TAFA1: variants seen among roughly 807,000 people sequenced by gnomAD.
TAFA1 encodes TAFA chemokine like family member 1.
In TAFA1, 4 loss-of-function variants were observed where a neutral mutation model predicts 18.5. The observed-to-expected ratio is 0.22, with a 90% CI of 0.11 to 0.49. The LOEUF (loss-of-function observed/expected upper bound fraction) is 0.49. TAFA1 is among the 20% of genes least tolerant of loss of function. The pLI is 0.98. For missense variants in TAFA1, 147 were observed against 169.0 expected, an observed-to-expected ratio of 0.87 and a Z score of 0.72; for synonymous variants, 56 against 55.2, an observed-to-expected ratio of 1.01 and a Z score of -0.06.
chr3:68,446,145 C>A (rs770107181), intron 3 of TAFA1, among the ~76,000 whole-genome samples: 1 of 152,014 alleles, frequency 6.6e-6, no homozygotes, highest in Non-Finnish European at 1.5e-5. Flanking sequence ...GGCCTCAAGA[C>A]GTCCTCCCAC....
chr3:68,257,423 T>C, intron 2 of TAFA1, among the ~76,000 whole-genome samples: 1 of 151,852 alleles, frequency 6.6e-6, no homozygotes, highest in East Asian at 1.9e-4. Context: ...TATAAAGCCA[T>C]GGACGGTGTC....
chr3:68,079,128 G>T (rs148987011), intron 2 of TAFA1, among the ~76,000 whole-genome samples: 5,975 of 152,256 alleles, frequency 0.039, 177 homozygotes, highest in East Asian at 0.1. Flanking sequence ...TCTGATGGTA[G>T]TTTGTATTTC....
intron 2 of TAFA1, among the ~76,000 whole-genome samples, chr3:68,040,380 C>T (rs1000666704): frequency 5.9e-5 from 9 of 152,124 alleles, no homozygotes; most frequent in African/African-American, 1.9e-4. Flanking sequence ...CTCTCTGTAA[C>T]CTTCTCTCAA....
intron 2 of TAFA1, among the ~76,000 whole-genome samples, chr3:68,028,276 G>A (rs1268755422): frequency 6.6e-6 from 1 of 151,760 alleles, no homozygotes; most frequent in Non-Finnish European, 1.5e-5. Flanking sequence ...CTCCAGCTTG[G>A]GTGACAGAGC....
chr3:68,433,388 G>A (rs1276812168), intron 3 of TAFA1, among the ~76,000 whole-genome samples: 1 of 151,828 alleles, frequency 6.6e-6, no homozygotes, highest in Non-Finnish European at 1.5e-5. Flanking sequence ...CATTCTTATT[G>A]CCTGAAGTCT....
At chr3:68,369,202 C>T (rs563031742) in intron 2 of TAFA1, among the ~76,000 whole-genome samples, 31 of 152,094 alleles carry the variant, frequency 2.0e-4, no homozygotes, top group African/African-American at 6.5e-4. Flanking sequence ...CACACACACA[C>T]CCAAAATAAA....
intron 2 of TAFA1, among the ~76,000 whole-genome samples, chr3:68,257,536 C>G (rs565522439): frequency 1.8e-4 from 27 of 152,000 alleles, no homozygotes; most frequent in African/African-American, 6.3e-4. Flanking sequence ...CAAACGAACA[C>G]TTAGTATGTG....
chr3:68,425,203 A>G lies in TAFA1; in HGVS notation c.259+7783A>G, dbSNP rs141959469. Among the ~76,000 whole-genome samples, 15 of 151,978 alleles carry G rather than the reference A, an allele frequency of 9.9e-5. 1 individual carries two copies. The East Asian group carries it at 2.9e-3, about 29-fold the overall frequency. Reference sequence around the variant, plus strand: ...AACGTTTTTGGGGACAGAGAAGATGACCTATTTTGGTTCTGCCATTTGTTA... The same window carrying G: ...AACGTTTTTGGGGACAGAGAAGATGGCCTATTTTGGTTCTGCCATTTGTTA... On this transcript the variant is annotated intron_variant, in intron 3 of 4. Coordinates refer to ENST00000478136, the MANE Select transcript of TAFA1 (RefSeq NM_213609.4).
intron 2 of TAFA1, among the ~76,000 whole-genome samples, chr3:68,106,561 A>G (rs556284683): frequency 1.6e-4 from 24 of 152,288 alleles, no homozygotes; most frequent in African/African-American, 5.5e-4. Context: ...AGGGTGAAAA[A>G]GAACAAACAA....
chr3:68,467,283 G>A (rs2136717), intron 3 of TAFA1, among the ~76,000 whole-genome samples: 30,481 of 152,060 alleles, frequency 0.2, 3,856 homozygotes, highest in East Asian at 0.41. Context: ...AAGATGATAG[G>A]ATTAAGAGAT....
chr3:68,335,195 T>G (rs1248222072), intron 2 of TAFA1, among the ~76,000 whole-genome samples: 2 of 152,232 alleles, frequency 1.3e-5, no homozygotes, highest in Non-Finnish European at 1.5e-5. Context: ...AAGCTAATAA[T>G]TCTTTTAGAC....
intron 2 of TAFA1, among the ~76,000 whole-genome samples, chr3:68,206,065 C>CT (rs1294478424): frequency 1.3e-5 from 2 of 151,652 alleles, no homozygotes; most frequent in Non-Finnish European, 3.0e-5. Flanking sequence ...TGTTTTTATT[C>CT]TTTTTTTGTG....
chr3:68,323,386 C>A (rs1482519755), intron 2 of TAFA1, among the ~76,000 whole-genome samples: 1 of 152,134 alleles, frequency 6.6e-6, no homozygotes, highest in African/African-American at 2.4e-5. Flanking sequence ...GAGGAGCCAA[C>A]ACAAATGTAA....
intron 3 of TAFA1, among the ~76,000 whole-genome samples, chr3:68,514,505 A>G (rs963119408): frequency 6.6e-6 from 1 of 152,188 alleles, no homozygotes; most frequent in East Asian, 1.9e-4. Context: ...AGGAGCAAGA[A>G]ATGCCATTCA....
chr3:68,187,724 A>C (rs1197279294), intron 2 of TAFA1, among the ~76,000 whole-genome samples: 1 of 152,044 alleles, frequency 6.6e-6, no homozygotes, highest in Admixed American at 6.6e-5. Context: ...GTTTAGTTTT[A>C]GTAGAAAATG....
chr3:68,283,060 C>A (rs972987101), intron 2 of TAFA1, among the ~76,000 whole-genome samples: 2 of 152,098 alleles, frequency 1.3e-5, no homozygotes, highest in African/African-American at 4.8e-5. Context: ...TGGAAGGTAA[C>A]CTTCCTCATT....
chr3:68,374,867 A>G (rs2069777956), intron 2 of TAFA1, among the ~76,000 whole-genome samples: 2 of 152,034 alleles, frequency 1.3e-5, no homozygotes, highest in Non-Finnish European at 2.9e-5. Flanking sequence ...ATCTCTATAC[A>G]TTCTTTATGG....
chr3:68,494,226 C>T (rs1050265357), intron 3 of TAFA1, among the ~76,000 whole-genome samples: 7 of 152,144 alleles, frequency 4.6e-5, no homozygotes, highest in African/African-American at 7.2e-5. Context: ...CTCAGCCTCC[C>T]GAGTAGCTGG....
intron 2 of TAFA1, among the ~76,000 whole-genome samples, chr3:68,185,183 A>T (rs2106997033): frequency 6.6e-6 from 1 of 152,230 alleles, no homozygotes; most frequent in South Asian, 2.1e-4. Flanking sequence ...ATTCCTGAGG[A>T]AGTGACATTT....
Sources: allele counts gnomAD v4.1 joint callset (sites outside exome capture counted in the v4.1 genomes callset), GRCh38; gene constraint gnomAD v4.1.1; transcripts MANE v1.5; gene names NCBI Gene and HGNC (gene_info 2026-07-23, HGNC 2026-07-21).